The following PTPRG variants were observed in gnomAD, a reference collection of about 807,000 sequenced individuals.
PTPRG encodes the protein protein tyrosine phosphatase receptor type G.
PTPRG carries 102 observed loss-of-function variants against 165.3 expected under a neutral mutation model. That is an observed-to-expected ratio of 0.62 (90% confidence interval 0.53 to 0.73). The LOEUF is 0.73. Among genes scored for constraint, PTPRG ranks in the 30% least tolerant of loss-of-function variants. The pLI, the probability that PTPRG is intolerant of heterozygous loss-of-function variation, is 0.00. For missense variants in PTPRG, 1,866 were observed against 1,861.4 expected, an observed-to-expected ratio of 1.00 and a Z score of -0.05; for synonymous variants, 675 against 669.5, an observed-to-expected ratio of 1.01 and a Z score of -0.13.
At chr3:62,138,932 T>C (rs548398401) in intron 6 of PTPRG, among the ~76,000 whole-genome samples, 2 of 152,284 alleles carry the variant, frequency 1.3e-5, no homozygotes, top group Admixed American at 1.3e-4. Flanking sequence ...CATACACATA[T>C]ACTGTGAAAA....
At chr3:61,960,165 A>T (rs142920159) in intron 2 of PTPRG, among the ~76,000 whole-genome samples, 2 of 151,370 alleles carry the variant, frequency 1.3e-5, no homozygotes, top group Non-Finnish European at 2.9e-5. Flanking sequence ...TACTTGCTTC[A>T]TACCTTTCTC....
chr3:62,223,327 T>C (rs1024486670), intron 13 of PTPRG, among the ~76,000 whole-genome samples: 2 of 152,256 alleles, frequency 1.3e-5, no homozygotes, highest in African/African-American at 4.8e-5. Context: ...ACTGTTTATC[T>C]GTGCAGCTGT....
chr3:62,090,354 A>T (rs756080713), intron 5 of PTPRG, among the ~76,000 whole-genome samples: 39 of 152,044 alleles, frequency 2.6e-4, no homozygotes, highest in Non-Finnish European at 4.4e-4. Flanking sequence ...TTTAAACTGA[A>T]CCGATTATAG....
intron 5 of PTPRG, among the ~76,000 whole-genome samples, chr3:62,113,049 A>G (rs1047255120): frequency 2.6e-5 from 4 of 152,162 alleles, no homozygotes; most frequent in African/African-American, 9.7e-5. Flanking sequence ...TGTCTGAGAG[A>G]TGATTTAACT....
At chr3:62,095,046 G>A (rs571714025) in intron 5 of PTPRG, among the ~76,000 whole-genome samples, 26 of 152,272 alleles carry the variant, frequency 1.7e-4, no homozygotes, top group Non-Finnish European at 2.5e-4. Flanking sequence ...ATGAAATGTC[G>A]CACAGGGTTT....
intron 1 of PTPRG, among the ~76,000 whole-genome samples, chr3:61,623,581 G>C (rs540643285): frequency 2.0e-4 from 31 of 152,208 alleles, no homozygotes; most frequent in Non-Finnish European, 3.2e-4. Context: ...GGTTACACCT[G>C]GTTTTCTTTA....
intron 13 of PTPRG, among the ~76,000 whole-genome samples, chr3:62,227,976 A>G (rs1379530778): frequency 6.6e-6 from 1 of 152,180 alleles, no homozygotes; most frequent in Non-Finnish European, 1.5e-5. Flanking sequence ...TGGTGGCTGG[A>G]TGGTGCTATG....
At chr3:61,760,116 T>A (rs541827451) in intron 2 of PTPRG, among the ~76,000 whole-genome samples, 2 of 152,302 alleles carry the variant, frequency 1.3e-5, no homozygotes, top group African/African-American at 4.8e-5. Context: ...TATGGCAAAA[T>A]AAGTCTTTCT....
At chr3:61,662,232 A>G (rs1018112878) in intron 1 of PTPRG, among the ~76,000 whole-genome samples, 2 of 152,216 alleles carry the variant, frequency 1.3e-5, no homozygotes, top group African/African-American at 4.8e-5. Flanking sequence ...GATGAACATA[A>G]TAAGGTTGAA....
At chr3:62,009,429 G>C (rs2041368297) in intron 4 of PTPRG, among the ~76,000 whole-genome samples, 1 of 152,118 alleles carries the variant, frequency 6.6e-6, no homozygotes. Flanking sequence ...TGAACATTCT[G>C]TTTGGGCCTG....
At chr3:62,257,942 C>T (rs543845531) in intron 16 of PTPRG, among the ~76,000 whole-genome samples, 8 of 152,016 alleles carry the variant, frequency 5.3e-5, no homozygotes, top group Non-Finnish European at 1.0e-4. Context: ...CCAGCCTGAG[C>T]GACAGAGCAA....
At chr3:61,732,269 C>G (rs890502609) in intron 1 of PTPRG, among the ~76,000 whole-genome samples, 2 of 152,106 alleles carry the variant, frequency 1.3e-5, no homozygotes, top group Non-Finnish European at 2.9e-5. Flanking sequence ...TTGTTTCTTA[C>G]TAAGCATTTG....
intron 28 of PTPRG, among the ~76,000 whole-genome samples, chr3:62,287,803 G>A (rs1173415289): frequency 6.6e-6 from 1 of 152,112 alleles, no homozygotes; most frequent in Non-Finnish European, 1.5e-5. Flanking sequence ...ACCCAAGAGA[G>A]ACTGCACAGA....
intron 2 of PTPRG, among the ~76,000 whole-genome samples, chr3:61,775,230 C>T (rs1019389044): frequency 7.9e-5 from 12 of 152,160 alleles, no homozygotes; most frequent in South Asian, 2.1e-4. Context: ...GCCACCACAC[C>T]GGGATACTTT....
intron 2 of PTPRG, among the ~76,000 whole-genome samples, chr3:61,930,622 A>T (rs571389472): frequency 1.6e-4 from 24 of 152,336 alleles, no homozygotes; most frequent in Non-Finnish European, 3.1e-4. Context: ...CAAGAACTTA[A>T]AGCTCTGGAT....
intron 15 of PTPRG, among the ~76,000 whole-genome samples, chr3:62,249,438 AT>A (rs766410041): frequency 5.9e-5 from 9 of 152,044 alleles, no homozygotes; most frequent in Non-Finnish European, 2.9e-5. Flanking sequence ...AGCTGCACTG[AT>A]TTGACCCAAG....
At chr3:61,785,744 A>T (rs1023524158) in intron 2 of PTPRG, among the ~76,000 whole-genome samples, 3 of 152,226 alleles carry the variant, frequency 2.0e-5, no homozygotes, top group Non-Finnish European at 2.9e-5. Context: ...TTATATACAG[A>T]TACACATTGA....
chr3:62,121,571 C>G lies in PTPRG; in HGVS notation c.616-11031C>G, dbSNP rs183366319. 7.9e-5 allele frequency among the ~76,000 whole-genome samples: 12 copies of G among 152,278 alleles called. No individual in the cohort carries two copies. In the South Asian group the frequency reaches 2.3e-3, roughly 29 times the overall value. On this transcript the variant is annotated intron_variant, in intron 5 of 29. Coordinates refer to ENST00000474889, the MANE Select transcript of PTPRG (RefSeq NM_002841.4). ...CCCAGCTTGCAGTTTAAAATGAGCT[C>G]ATCGTGTTCACCTACAGGGGATCCA...
intron 26 of PTPRG, among the ~76,000 whole-genome samples, chr3:62,279,242 T>C (rs1702344667): frequency 6.6e-6 from 1 of 152,062 alleles, no homozygotes; most frequent in Non-Finnish European, 1.5e-5. Flanking sequence ...AGTACGGATA[T>C]AGATGCCCAG....
Sources: gnomAD v4.1 joint callset for allele counts (sites outside exome capture counted in the v4.1 genomes callset) on GRCh38, gnomAD v4.1.1 for gene constraint, MANE v1.5 for transcripts, NCBI Gene and HGNC (gene_info 2026-07-23, HGNC 2026-07-21) for gene names.